Variants in HHAT observed in about 807,000 individuals in gnomAD.
HHAT encodes the protein hedgehog acyltransferase.
A neutral mutation model predicts 70.8 loss-of-function variants in HHAT; 47 were observed. The ratio of observed to expected loss-of-function variants is 0.66; its 90% confidence interval spans 0.53 to 0.85. The LOEUF (loss-of-function observed/expected upper bound fraction) is 0.85. Among genes scored for constraint, HHAT ranks in the 40% least tolerant of loss-of-function variants. The pLI, the probability that HHAT is intolerant of heterozygous loss-of-function variation, is 0.00. For missense variants in HHAT, 609 were observed against 604.8 expected (o/e 1.01, Z -0.07); for synonymous variants, 228 against 247.6 (o/e 0.92, Z 0.74).
chr1:210,404,782 A>C (rs190685313), intron 6 of HHAT, 103 bp downstream of exon 6: 1 of 805,556 alleles, frequency 1.2e-6, no homozygotes, highest in African/African-American at 1.7e-5. Flanking sequence ...AGAGGTGCCC[A>C]CAGATTTACA....
intron 8 of HHAT, among the ~76,000 whole-genome samples, chr1:210,491,907 T>C (rs7546029): frequency 0.63 from 95,656 of 151,928 alleles, 30,175 homozygotes; most frequent in Middle Eastern, 0.69. Flanking sequence ...GGACTATAGA[T>C]GCACACCACC....
At chr1:210,359,655 C>G (rs537340054) in intron 2 of HHAT, among the ~76,000 whole-genome samples, 5 of 152,062 alleles carry the variant, frequency 3.3e-5, no homozygotes, top group Non-Finnish European at 7.4e-5. Flanking sequence ...GTCAGGAGTT[C>G]GAGACCAGCC....
intron 9 of HHAT, among the ~76,000 whole-genome samples, chr1:210,553,540 T>C (rs2095546099): frequency 6.6e-6 from 1 of 152,212 alleles, no homozygotes. Context: ...GTATCGGAGT[T>C]ACAGTTCACC....
Position 210,358,273 on chromosome 1 carries a change from T to C in HHAT, c.92-4579T>C, listed in dbSNP as rs78174848. On this transcript the variant is annotated intron_variant, in intron 2 of 11. Coordinates refer to ENST00000261458, the MANE Select transcript of HHAT (RefSeq NM_018194.6). ...CTCCCAGAAGCTCTAAAGTTTTCCA[T>C]GCAAATTAAGCACCTGGTGGTCTGC... 2.1e-4 allele frequency among the ~76,000 whole-genome samples: 32 copies of C among 152,354 alleles called. No homozygotes were observed. The East Asian group carries it at 5.4e-3, about 26-fold the overall frequency.
intron 11 of HHAT, among the ~76,000 whole-genome samples, chr1:210,660,882 A>T (rs1174183448): frequency 6.6e-6 from 1 of 152,198 alleles, no homozygotes; most frequent in African/African-American, 2.4e-5. Context: ...CTGAAACTGG[A>T]TCCCTTCCTT....
At chr1:210,614,018 CAAA>C (rs55874321) in intron 10 of HHAT, among the ~76,000 whole-genome samples, 20,084 of 111,336 alleles carry the variant, frequency 0.18, 1,688 homozygotes, top group Non-Finnish European at 0.24. Context: ...GACCCTGCCT[CAAA>C]AAAAAAAAAA....
chr1:210,560,687 T>C (rs2095613287), intron 9 of HHAT, among the ~76,000 whole-genome samples: 1 of 150,808 alleles, frequency 6.6e-6, no homozygotes, highest in Non-Finnish European at 1.5e-5. Context: ...GCAGCACCTG[T>C]AGTCCCAGTT....
rs116154686 is a variant in HHAT, at chr1:210,474,429, T to C, written c.1007+9774T>C. On this transcript the variant is annotated intron_variant, in intron 8 of 11. Transcript: ENST00000261458. ...CCTCAGCCGCCTGAGTAGCTGGGACTATAGATGTGCACCACCATGCTTGGC... is the reference window on the plus strand; with the variant it reads ...CCTCAGCCGCCTGAGTAGCTGGGACCATAGATGTGCACCACCATGCTTGGC... Among the ~76,000 whole-genome samples the C allele has an allele frequency of 7.5e-3, 1,135 of 152,338 alleles. 13 individuals carry two copies. The highest frequency in any genetic ancestry group is 0.026 in the African/African-American group (1,067 of 41,570).
Position 210,627,097 on chromosome 1 carries a change from C to T in HHAT, c.1390+3427C>T, listed in dbSNP as rs116572177. ...AAGGGAAAGGTGGCCCTTCCCTCTG[C>T]ACCTTGATGGGTTGGGACCTGCTGC... On this transcript the variant is annotated intron_variant, in intron 11 of 11. Coordinates refer to ENST00000261458, the MANE Select transcript of HHAT (RefSeq NM_018194.6). Among the ~76,000 whole-genome samples, 263 of 152,286 alleles carry T rather than the reference C, an allele frequency of 1.7e-3. 2 individuals are homozygous for T. The highest frequency in any genetic ancestry group is 6.1e-3 in the African/African-American group (255 of 41,556).
intron 10 of HHAT, among the ~76,000 whole-genome samples, chr1:210,598,706 G>GA (rs1488169134): frequency 6.6e-6 from 1 of 152,204 alleles, no homozygotes; most frequent in Non-Finnish European, 1.5e-5. Context: ...GGATGGAGGA[G>GA]AGGTGGCATT....
chr1:210,668,893 C>T (rs1254040154), intron 11 of HHAT, among the ~76,000 whole-genome samples: 3 of 152,194 alleles, frequency 2.0e-5, no homozygotes, highest in South Asian at 2.1e-4. Flanking sequence ...CCTGTCTCAG[C>T]GTCCCCAGTA....
intron 1 of HHAT, among the ~76,000 whole-genome samples, chr1:210,345,188 A>T (rs543421356): frequency 3.7e-4 from 56 of 152,144 alleles, no homozygotes; most frequent in African/African-American, 1.3e-3. Context: ...CTGCGCTGGG[A>T]TGGCATCCTG....
intron 6 of HHAT, among the ~76,000 whole-genome samples, chr1:210,411,766 G>A (rs58060889): frequency 0.02 from 3,026 of 152,172 alleles, 103 homozygotes; most frequent in African/African-American, 0.069. Flanking sequence ...GAGTCTGGGT[G>A]CCAGGAAAGA....
rs1299839539 is a variant in HHAT at position 210,448,362 on chromosome 1, G to A, written c.857-16143G>A. ...TTCCCAAAGTGTTGGGATTACAGAC[G>A]TGAGCCACTGCACCCAGCAATTAAG... On this transcript the variant is annotated intron_variant, in intron 7 of 11. Coordinates refer to ENST00000261458, the MANE Select transcript of HHAT (RefSeq NM_018194.6). Among the ~76,000 whole-genome samples the A allele has an allele frequency of 2.6e-5, 4 of 152,160 alleles. No individual in the cohort carries two copies. The South Asian group carries it at 6.2e-4, about 24-fold the overall frequency.
chr1:210,574,840 G>T (rs1051773508), intron 9 of HHAT, among the ~76,000 whole-genome samples: 2 of 152,190 alleles, frequency 1.3e-5, no homozygotes, highest in African/African-American at 4.8e-5. Flanking sequence ...GAGACTCCAA[G>T]GCATTGTACC....
intron 4 of HHAT, among the ~76,000 whole-genome samples, chr1:210,397,467 T>C (rs936246159): frequency 6.6e-6 from 1 of 152,118 alleles, no homozygotes; most frequent in Non-Finnish European, 1.5e-5. Flanking sequence ...GTATGTCTGC[T>C]CTTATTACCC....
chr1:210,582,906 C>T (rs1486732677), intron 9 of HHAT, among the ~76,000 whole-genome samples: 2 of 152,218 alleles, frequency 1.3e-5, no homozygotes, highest in Admixed American at 6.5e-5. Context: ...TCATTATTCT[C>T]TTGAGCAAGA....
intron 4 of HHAT, among the ~76,000 whole-genome samples, chr1:210,400,176 G>T (rs1283713796): frequency 6.6e-6 from 1 of 152,026 alleles, no homozygotes; most frequent in Non-Finnish European, 1.5e-5. Flanking sequence ...TCTTATTGTT[G>T]TGTGACCCAG....
At chr1:210,669,948 C>G (rs780548935) in intron 11 of HHAT, among the ~76,000 whole-genome samples, 11 of 151,830 alleles carry the variant, frequency 7.2e-5, no homozygotes, top group Admixed American at 1.3e-4. Context: ...GGTTGGGAGT[C>G]TCACTCCTGG....
Sources: gnomAD v4.1 joint callset for allele counts (sites outside exome capture counted in the v4.1 genomes callset) on GRCh38, gnomAD v4.1.1 for gene constraint, MANE v1.5 for transcripts, NCBI Gene and HGNC (gene_info 2026-07-23, HGNC 2026-07-21) for gene names.